Variants in TUT4 observed in about 807,000 individuals in gnomAD.
TUT4 encodes the protein terminal uridylyl transferase 4.
TUT4 carries 36 observed loss-of-function variants against 192.2 expected under a neutral mutation model. The ratio of observed to expected loss-of-function variants is 0.19; its 90% confidence interval spans 0.14 to 0.25. TUT4 has a LOEUF of 0.25. Among genes scored for constraint, TUT4 ranks in the 10% least tolerant of loss-of-function variants. The pLI is 1.00. For missense variants in TUT4, 1,493 were observed against 1,957.2 expected, an observed-to-expected ratio of 0.76 and a Z score of 4.47; for synonymous variants, 618 against 666.0, an observed-to-expected ratio of 0.93 and a Z score of 1.11.
chr1:52,518,440 G>A (rs1679286413), intron 2 of TUT4, among the ~76,000 whole-genome samples: 1 of 152,166 alleles, frequency 6.6e-6, no homozygotes, highest in African/African-American at 2.4e-5. Flanking sequence ...GTGTTCACAT[G>A]GCCTTTCCTT....
intron 2 of TUT4, among the ~76,000 whole-genome samples, chr1:52,519,085 A>G (rs1679494958): frequency 6.6e-6 from 1 of 152,228 alleles, no homozygotes; most frequent in Non-Finnish European, 1.5e-5. Flanking sequence ...TGTTCAGAAC[A>G]GCATTATTCA....
chr1:52,463,014 CAT>C, intron 16 of TUT4: 1 of 985,188 alleles, frequency 1.0e-6, no homozygotes, highest in Non-Finnish European at 1.2e-6. Context: ...TACTAATTCA[CAT>C]ATGATAAAAT....
At chr1:52,465,003 C>G in intron 16 of TUT4, 67 bp downstream of exon 16, 3 of 1,269,400 alleles carry the variant, frequency 2.4e-6, no homozygotes, top group East Asian at 2.5e-5. Flanking sequence ...ATATCACATA[C>G]AAAAATAAAC....
In TUT4 at chr1:52,509,680, T is replaced by C. The variant is rs146988764; in HGVS notation, c.915A>G (p.Leu305=). The C allele has an allele frequency of 1.1e-4, 179 of 1,612,098 alleles. No homozygotes were observed. Among genetic ancestry groups the C allele is most frequent in the African/African-American group, 9.5e-4 (71 of 75,000 alleles). The part of the protein sequence containing the change: ...RSPEYTNCRY[L]CKLCLIHIEN... The stretch of plus-strand genomic sequence containing the variant: ...CAATGTGAATTAAGCAAAGTTTGCA[T>C]AGATACCGACAATTGGTATATTCTG... Residue 305 remains leucine (L), a synonymous_variant, in exon 4 of 30, where the codon CTA becomes CTG. Transcript: ENST00000257177.
chr1:52,451,784 A>G (rs1371223186), intron 20 of TUT4, among the ~76,000 whole-genome samples: 1 of 151,324 alleles, frequency 6.6e-6, no homozygotes, highest in Non-Finnish European at 1.5e-5. Context: ...CGGAGATTGC[A>G]GTGAGCCGAG....
chr1:52,434,287 G>T (rs74887837), intron 27 of TUT4: 1 of 152,086 alleles, frequency 6.6e-6, no homozygotes, highest in African/African-American at 2.4e-5. Context: ...CATGTTAAAC[G>T]GTTAATGGAT....
At chr1:52,460,431 G>C (rs913151520) in intron 19 of TUT4, among the ~76,000 whole-genome samples, 5 of 152,064 alleles carry the variant, frequency 3.3e-5, no homozygotes, top group Non-Finnish European at 7.4e-5. Context: ...GCAGTGAGCT[G>C]AGATCCCACC....
intron 24 of TUT4, among the ~76,000 whole-genome samples, chr1:52,443,798 T>C (rs1656490015): frequency 6.6e-6 from 1 of 152,122 alleles, no homozygotes; most frequent in East Asian, 1.9e-4. Context: ...TCTGACAGCA[T>C]GCAACACTGT....
At chr1:52,522,451 T>C (rs576371150) in intron 2 of TUT4, among the ~76,000 whole-genome samples, 2 of 152,314 alleles carry the variant, frequency 1.3e-5, no homozygotes, top group East Asian at 1.9e-4. Flanking sequence ...CTTCATAACA[T>C]AGGCAGCAGC....
At chr1:52,444,983 A>G (rs182702765) in intron 24 of TUT4, among the ~76,000 whole-genome samples, 11 of 150,378 alleles carry the variant, frequency 7.3e-5, no homozygotes, top group Admixed American at 4.0e-4. Context: ...ATATGTGTGT[A>G]TATATATGTA....
chr1:52,493,742 T>A, intron 6 of TUT4, 80 bp from the exon 7 acceptor site: 1 of 839,256 alleles, frequency 1.2e-6, no homozygotes, highest in Non-Finnish European at 1.9e-6. Flanking sequence ...TCAATTTCAT[T>A]AAAGAATAAC....
upstream of TUT4, chr1:52,553,233 T>A (rs2149832673): frequency 7.0e-6 from 1 of 143,246 alleles, no homozygotes; most frequent in Admixed American, 7.1e-5. Context: ...GAGCCTGTAA[T>A]GGGGTCCTGG....
chr1:52,506,200 T>C (rs1449643174), intron 4 of TUT4, among the ~76,000 whole-genome samples: 3 of 152,204 alleles, frequency 2.0e-5, no homozygotes, highest in Non-Finnish European at 4.4e-5. Context: ...ATTCCTCTAA[T>C]ATGCTGTTGG....
intron 14 of TUT4, among the ~76,000 whole-genome samples, chr1:52,469,461 C>A (rs77575736): frequency 0.041 from 6,191 of 152,076 alleles, 426 homozygotes; most frequent in African/African-American, 0.14. Flanking sequence ...TAAAATGGAA[C>A]AATTTAAAAA....
intron 16 of TUT4, chr1:52,463,911 A>G (rs905885032): frequency 3.2e-5 from 17 of 539,184 alleles, no homozygotes; most frequent in Middle Eastern, 4.4e-4. Context: ...TAGGTTCTAC[A>G]GTACTATTAG....
At chr1:52,482,659 C>G (rs1326195268) in intron 9 of TUT4, among the ~76,000 whole-genome samples, 1 of 152,062 alleles carries the variant, frequency 6.6e-6, no homozygotes, top group Non-Finnish European at 1.5e-5. Context: ...GGTCTCGAAC[C>G]CTTGGGCTCA....
In TUT4 at chr1:52,431,074, T is replaced by G. The variant is rs1367127521; in HGVS notation, c.4650A>C (p.Gly1550=). The G allele has an allele frequency of 6.2e-7, 1 of 1,613,794 alleles. No individual in the cohort carries two copies. The highest frequency in any genetic ancestry group is 1.1e-5 in the South Asian group (1 of 91,050). The stretch of plus-strand genomic sequence containing the variant: ...TTGGAGCCACAGTACGGGGCCAGTG[T>G]CCATCGTGAGACGTGTTAGGGATTG... ...PVAIPNTSHD[G]HWPRTVAPNS... Residue 1550 remains glycine, a synonymous_variant, in exon 28 of 30, where the codon GGA becomes GGC. Coordinates refer to ENST00000257177, the MANE Select transcript of TUT4 (RefSeq NM_001009881.3).
chr1:52,446,722 C>A, intron 20 of TUT4, 55 bp from the exon 21 acceptor site: 2 of 1,308,282 alleles, frequency 1.5e-6, no homozygotes, highest in South Asian at 2.7e-5. Context: ...ACCCAAAGGT[C>A]CAAATACTCT....
chr1:52,488,842 A>G (rs554970408), intron 9 of TUT4, 67 bp downstream of exon 9: 5 of 1,490,126 alleles, frequency 3.4e-6, no homozygotes, highest in Non-Finnish European at 4.5e-6. Context: ...GAAAAGGCCT[A>G]ATTTTGAAGA....
Sources: gnomAD v4.1 joint callset for allele counts (sites outside exome capture counted in the v4.1 genomes callset) on GRCh38, gnomAD v4.1.1 for gene constraint, MANE v1.5 for transcripts, NCBI Gene and HGNC (gene_info 2026-07-23, HGNC 2026-07-21) for gene names.